The following BRMS1L variants were observed in gnomAD, a reference collection of about 807,000 sequenced individuals.
BRMS1L encodes the protein breast cancer metastasis-suppressor 1-like protein.
In BRMS1L, 23 loss-of-function variants were observed where a neutral mutation model predicts 50.3. The observed-to-expected ratio is 0.46, with a 90% confidence interval of 0.33 to 0.65. The LOEUF (loss-of-function observed/expected upper bound fraction) is 0.65. Ranked by LOEUF, BRMS1L falls within the 30% of genes least tolerant of loss-of-function variation. The pLI, the probability that BRMS1L is intolerant of heterozygous loss-of-function variation, is 0.02. For synonymous variants in BRMS1L, 114 were observed against 126.9 expected (o/e 0.90, Z 0.69); for missense variants, 286 against 386.1 (o/e 0.74, Z 2.17).
At chr14:35,837,061 C>A (rs1435164237) in intron 4 of BRMS1L, among the ~76,000 whole-genome samples, 2 of 151,218 alleles carry the variant, frequency 1.3e-5, no homozygotes, top group African/African-American at 4.9e-5. Flanking sequence ...TCAAGACCAG[C>A]CTGACCAATA....
chr14:35,842,194 T>C (rs1233809974), intron 4 of BRMS1L, among the ~76,000 whole-genome samples: 3 of 152,180 alleles, frequency 2.0e-5, no homozygotes, highest in Non-Finnish European at 4.4e-5. Flanking sequence ...TTAATATTGT[T>C]ATGTGTGAAT....
At chr14:35,865,868 A>T in intron 8 of BRMS1L, 107 bp downstream of exon 8, 1 of 969,506 alleles carries the variant, frequency 1.0e-6, no homozygotes, top group Non-Finnish European at 1.6e-6. Flanking sequence ...TTATTTCATC[A>T]GTGAACACCG....
chr14:35,860,649 TC>T (rs1341392432), intron 4 of BRMS1L, among the ~76,000 whole-genome samples: 1 of 152,086 alleles, frequency 6.6e-6, no homozygotes, highest in African/African-American at 2.4e-5. Flanking sequence ...ATGAAAATCT[TC>T]CAGGGCTCCA....
chr14:35,847,345 C>T (rs897224547), intron 4 of BRMS1L, among the ~76,000 whole-genome samples: 2 of 151,506 alleles, frequency 1.3e-5, no homozygotes, highest in Non-Finnish European at 2.9e-5. Context: ...CTCTGTCATC[C>T]AGGCTTGAGT....
intron 6 of BRMS1L, among the ~76,000 whole-genome samples, chr14:35,864,528 G>A (rs545254271): frequency 1.3e-5 from 2 of 152,224 alleles, no homozygotes; most frequent in East Asian, 3.9e-4. Context: ...TGCTAGGATT[G>A]CAGGCATGAG....
chr14:35,841,200 ACTGTGGT>A, intron 4 of BRMS1L, among the ~76,000 whole-genome samples: 1 of 152,266 alleles, frequency 6.6e-6, no homozygotes, highest in East Asian at 1.9e-4. Flanking sequence ...ATTTAGCTGC[ACTGTGGT>A]CTGAGAGACT....
rs1439053858 is a variant in BRMS1L at position 35,851,498 on chromosome 14, G to T, written c.442-11092G>T. ...TTGTGAAAAGAAGTACAAAAAGCTA[G>T]TGAAAAAACCTACAGGAGACCTACA... On this transcript the variant is annotated intron_variant, in intron 4 of 9. Transcript: ENST00000216807. Among the ~76,000 whole-genome samples, 6 of 152,238 alleles carry T rather than the reference G, an allele frequency of 3.9e-5. No individual in the cohort carries two copies. In the East Asian group the frequency reaches 1.2e-3, roughly 29 times the overall value.
chr14:35,848,157 C>T (rs1007403927), intron 4 of BRMS1L, among the ~76,000 whole-genome samples: 1 of 152,000 alleles, frequency 6.6e-6, no homozygotes. Flanking sequence ...TTTAAATTGA[C>T]AAATGTTAAA....
chr14:35,867,836 T>A, intron 8 of BRMS1L, 70 bp from the exon 9 acceptor site: 6 of 1,412,672 alleles, frequency 4.2e-6, no homozygotes, highest in Non-Finnish European at 5.6e-6. Context: ...TGTTAATTGT[T>A]AATGTTCTGA....
chr14:35,863,706 T>C (rs1431444471), intron 5 of BRMS1L, among the ~76,000 whole-genome samples, 164 bp from the exon 6 acceptor site: 1 of 152,214 alleles, frequency 6.6e-6, no homozygotes. Flanking sequence ...CTTAAACACG[T>C]AGTGCTCATG....
chr14:35,831,401 T>A lies in BRMS1L; in HGVS notation c.143-9T>A. ...AGTTTATCTTTTATATTTGCCTTTT[T>A]ATTAACAGAAATGGATGATGAAGAC... is the stretch of plus-strand genomic sequence containing the variant. On this transcript the variant is annotated splice_polypyrimidine_tract_variant and intron_variant, in intron 1 of 9. Coordinates refer to ENST00000216807, the MANE Select transcript of BRMS1L (RefSeq NM_032352.4). The A allele has an allele frequency of 1.2e-6, 2 of 1,602,056 alleles. No homozygotes were observed. The highest frequency in any genetic ancestry group is 1.7e-6 in the Non-Finnish European group (2 of 1,170,268).
intron 5 of BRMS1L, among the ~76,000 whole-genome samples, chr14:35,863,079 C>G (rs780607130): frequency 1.7e-4 from 26 of 151,936 alleles, no homozygotes; most frequent in Admixed American, 1.7e-3. Context: ...CCACTGCACT[C>G]CAGACTGGGC....
chr14:35,846,480 G>A (rs2078136320), intron 4 of BRMS1L, among the ~76,000 whole-genome samples: 1 of 151,344 alleles, frequency 6.6e-6, no homozygotes, highest in Non-Finnish European at 1.5e-5. Flanking sequence ...GTCTCCTTCA[G>A]TGTGAAACAA....
chr14:35,864,304 T>C (rs1405550109), intron 6 of BRMS1L, among the ~76,000 whole-genome samples: 1 of 151,964 alleles, frequency 6.6e-6, no homozygotes, highest in African/African-American at 2.4e-5. Context: ...CTGTGCCACC[T>C]AGGCTGGAGT....
intron 4 of BRMS1L, among the ~76,000 whole-genome samples, chr14:35,835,893 G>A (rs1377722586): frequency 1.3e-5 from 2 of 152,052 alleles, no homozygotes; most frequent in Non-Finnish European, 2.9e-5. Context: ...CATAGTGCCC[G>A]TTTTGCAGAT....
chr14:35,853,018 A>ATCTATCTATCTGTC (rs1425702944), intron 4 of BRMS1L, among the ~76,000 whole-genome samples: 1 of 146,686 alleles, frequency 6.8e-6, no homozygotes, highest in East Asian at 2.0e-4. Context: ...ATCTATCTAT[A>ATCTATCTATCTGTC]TATAGAGAGA....
intron 4 of BRMS1L, among the ~76,000 whole-genome samples, chr14:35,852,171 C>T (rs1245821476): frequency 6.6e-6 from 1 of 152,174 alleles, no homozygotes; most frequent in African/African-American, 2.4e-5. Flanking sequence ...ATGCCACTGT[C>T]ACGACAGAAC....
chr14:35,826,790 G>C (rs1438166130), intron 1 of BRMS1L, 132 bp downstream of exon 1: 3 of 1,316,536 alleles, frequency 2.3e-6, no homozygotes, highest in Non-Finnish European at 3.0e-6. Context: ...GACTGGCTCT[G>C]GGCCCTGGGC....
chr14:35,855,056 G>A (rs573091684), intron 4 of BRMS1L, among the ~76,000 whole-genome samples: 34 of 152,234 alleles, frequency 2.2e-4, no homozygotes, highest in African/African-American at 7.5e-4. Context: ...GTAGTCCTTC[G>A]GGGCTTTGTG....
Sources: allele counts gnomAD v4.1 joint callset (sites outside exome capture counted in the v4.1 genomes callset), GRCh38; gene constraint gnomAD v4.1.1; transcripts MANE v1.5; gene names NCBI Gene and HGNC (gene_info 2026-07-23, HGNC 2026-07-21).